The following KCNQ5 variants were observed in gnomAD, a reference collection of about 807,000 sequenced individuals.
KCNQ5 encodes potassium voltage-gated channel subfamily Q member 5, also known as potassium voltage-gated channel subfamily KQT member 5.
KCNQ5 carries 30 observed loss-of-function variants against 98.2 expected under a neutral mutation model. The observed-to-expected ratio is 0.31, with a 90% confidence interval of 0.23 to 0.41. KCNQ5 has a LOEUF of 0.41. Among genes scored for constraint, KCNQ5 ranks in the 10% least tolerant of loss-of-function variants. The probability of loss-of-function intolerance (pLI) is 1.00; values close to 1 mark genes in which losing one functional copy is unlikely to be tolerated. For missense variants in KCNQ5, 835 were observed against 1,182.5 expected (o/e 0.71, Z 4.31); for synonymous variants, 458 against 449.4 (o/e 1.02, Z -0.24).
At chr6:72,644,655 A>T (rs79312662) in intron 1 of KCNQ5, among the ~76,000 whole-genome samples, 1 of 152,288 alleles carries the variant, frequency 6.6e-6, no homozygotes, top group East Asian at 1.9e-4. Flanking sequence ...ACTAGATGAA[A>T]GTTATCTTTA....
intron 1 of KCNQ5, among the ~76,000 whole-genome samples, chr6:72,906,513 C>A (rs9360616): frequency 0.25 from 38,458 of 152,118 alleles, 5,642 homozygotes; most frequent in Non-Finnish European, 0.32. Context: ...CCTGAAGGGT[C>A]CCCATGGTGC....
In KCNQ5 at chr6:72,769,968, G is replaced by A. The variant is rs911942654; in HGVS notation, c.398+147381G>A. On this transcript the variant is annotated intron_variant, in intron 1 of 13. Coordinates refer to ENST00000370398, the MANE Select transcript of KCNQ5 (RefSeq NM_019842.4). ...TTTTACCTTCTCTCACACCCTCCTG[G>A]ACAGGGCTTGCCTAGAGTAGATCTG... Among the ~76,000 whole-genome samples, 10 of 152,056 alleles carry A rather than the reference G, an allele frequency of 6.6e-5. 1 individual carries two copies. Among genetic ancestry groups the A allele is most frequent in the African/African-American group, 2.4e-4 (10 of 41,414 alleles).
chr6:73,015,609 A>G (rs1770296340), intron 2 of KCNQ5, among the ~76,000 whole-genome samples: 1 of 152,138 alleles, frequency 6.6e-6, no homozygotes, highest in African/African-American at 2.4e-5. Context: ...AAGACTTGAC[A>G]GGCTACCCAG....
intron 1 of KCNQ5, among the ~76,000 whole-genome samples, chr6:72,910,503 A>G (rs1269252217): frequency 6.6e-6 from 1 of 151,882 alleles, no homozygotes; most frequent in Non-Finnish European, 1.5e-5. Context: ...TAGTGTGTAC[A>G]CATTCATAAA....
intron 1 of KCNQ5, among the ~76,000 whole-genome samples, chr6:72,803,224 A>G (rs1416496539): frequency 1.3e-5 from 2 of 152,298 alleles, no homozygotes; most frequent in East Asian, 3.9e-4. Context: ...GGGGCATGCA[A>G]TGCCACGTAC....
chr6:72,898,310 T>G (rs1038513107), intron 1 of KCNQ5, among the ~76,000 whole-genome samples: 7 of 152,158 alleles, frequency 4.6e-5, no homozygotes, highest in African/African-American at 1.7e-4. Flanking sequence ...CCTGATGCTC[T>G]TCCTCCCCTC....
intron 1 of KCNQ5, among the ~76,000 whole-genome samples, chr6:72,935,650 C>T (rs1227740369): frequency 6.6e-6 from 1 of 152,156 alleles, no homozygotes; most frequent in Non-Finnish European, 1.5e-5. Context: ...CTGTTATCCC[C>T]ATCCAGCTTA....
intron 1 of KCNQ5, among the ~76,000 whole-genome samples, chr6:72,858,283 T>A (rs1023255070): frequency 3.3e-5 from 5 of 152,248 alleles, no homozygotes; most frequent in African/African-American, 1.2e-4. Flanking sequence ...TCTATGAAAA[T>A]ATATGTGTGG....
chr6:73,014,281 A>G (rs926780720), intron 2 of KCNQ5, among the ~76,000 whole-genome samples: 3 of 152,106 alleles, frequency 2.0e-5, no homozygotes, highest in Admixed American at 2.0e-4. Context: ...ATTGTCCATC[A>G]TGTTGAGAAA....
chr6:73,108,405 G>A (rs755990192), intron 6 of KCNQ5, among the ~76,000 whole-genome samples: 11 of 152,214 alleles, frequency 7.2e-5, no homozygotes, highest in Non-Finnish European at 1.3e-4. Flanking sequence ...TAAATTCAGT[G>A]CAAGAACTAG....
intron 2 of KCNQ5, among the ~76,000 whole-genome samples, chr6:73,006,720 G>T (rs562769724): frequency 6.6e-6 from 1 of 152,250 alleles, no homozygotes; most frequent in Admixed American, 6.5e-5. Flanking sequence ...TACACTTTTC[G>T]TGTACACTGT....
At chr6:73,054,263 A>C (rs1166582043) in intron 3 of KCNQ5, among the ~76,000 whole-genome samples, 2 of 152,178 alleles carry the variant, frequency 1.3e-5, no homozygotes, top group Non-Finnish European at 2.9e-5. Flanking sequence ...TATTACAAGA[A>C]GTATAAAGAA....
At chr6:72,726,209 T>A (rs7758782) in intron 1 of KCNQ5, among the ~76,000 whole-genome samples, 48,001 of 114,798 alleles carry the variant, frequency 0.42, 9,952 homozygotes, top group African/African-American at 0.66. Flanking sequence ...TAAATTTAAA[T>A]TTTTTTTTTT....
chr6:72,947,871 T>C (rs565830216), intron 1 of KCNQ5, among the ~76,000 whole-genome samples: 1 of 152,284 alleles, frequency 6.6e-6, no homozygotes, highest in African/African-American at 2.4e-5. Flanking sequence ...TCATTTTTGT[T>C]TTACTAGAAA....
intron 1 of KCNQ5, among the ~76,000 whole-genome samples, chr6:72,825,968 C>A (rs1582364824): frequency 6.6e-6 from 1 of 152,034 alleles, no homozygotes; most frequent in South Asian, 2.1e-4. Context: ...TCACAGTTGC[C>A]TCCATGGGGG....
At chr6:72,731,324 G>C (rs1430882184) in intron 1 of KCNQ5, among the ~76,000 whole-genome samples, 1 of 152,216 alleles carries the variant, frequency 6.6e-6, no homozygotes, top group Non-Finnish European at 1.5e-5. Context: ...AGGCAGAGCA[G>C]TTGTCATTTA....
At chr6:72,785,582 G>A (rs1432019542) in intron 1 of KCNQ5, among the ~76,000 whole-genome samples, 2 of 151,782 alleles carry the variant, frequency 1.3e-5, no homozygotes, top group East Asian at 1.9e-4. Flanking sequence ...CCTGGGAGGT[G>A]GAGGTTGCAG....
At chr6:72,752,380 A>C (rs1044667114) in intron 1 of KCNQ5, among the ~76,000 whole-genome samples, 3 of 152,182 alleles carry the variant, frequency 2.0e-5, no homozygotes, top group African/African-American at 7.2e-5. Flanking sequence ...CCTGAAGGTA[A>C]GTAGAAATTA....
chr6:73,104,793 T>C (rs1419229150), intron 5 of KCNQ5, among the ~76,000 whole-genome samples: 2 of 152,214 alleles, frequency 1.3e-5, no homozygotes, highest in Non-Finnish European at 2.9e-5. Flanking sequence ...TATTAGGCCA[T>C]AAATATCTTA....
Sources: allele counts gnomAD v4.1 joint callset (sites outside exome capture counted in the v4.1 genomes callset), GRCh38; gene constraint gnomAD v4.1.1; transcripts MANE v1.5; gene names NCBI Gene and HGNC (gene_info 2026-07-23, HGNC 2026-07-21).